Variants in RAB40A observed in about 807,000 individuals in gnomAD.
The protein encoded by RAB40A is ras-related protein Rab-40A.
For synonymous variants in RAB40A, 65 were observed against 99.9 expected, an observed-to-expected ratio of 0.65 and a Z score of 2.08; for missense variants, 145 against 230.2, an observed-to-expected ratio of 0.63 and a Z score of 2.40.
chrX:103,508,334 G>A (rs2073268020), intron 2 of RAB40A, among the ~76,000 whole-genome samples: 1 of 111,814 alleles, frequency 8.9e-6, no homozygotes, highest in African/African-American at 3.3e-5. Flanking sequence ...GGTGAAGGAT[G>A]GGACCTCATT....
intron 2 of RAB40A, chrX:103,502,949 C>A: frequency 3.9e-6 from 3 of 764,129 alleles, no homozygotes; most frequent in Non-Finnish European, 3.1e-6. Flanking sequence ...AGCCTCTGGG[C>A]TAAGAAGGCA....
At position 103,504,232 on chromosome X, in the gene RAB40A, C is replaced by A. The variant is rs556853686; in HGVS notation, c.-70-3406G>T. Reference sequence around the variant, plus strand: ...TTGAAAAACTATTGGGTACTATGCTCACTACCTGGGTGATGGGATCATTCA... The same window carrying A: ...TTGAAAAACTATTGGGTACTATGCTAACTACCTGGGTGATGGGATCATTCA... On this transcript the variant is annotated intron_variant, in intron 2 of 2. Transcript: ENST00000304236. 6.3e-5 allele frequency among the ~76,000 whole-genome samples: 7 copies of A among 111,267 alleles called. No homozygotes were observed. The South Asian group carries it at 1.5e-3, about 25-fold the overall frequency.
chrX:103,513,994 T>A, intron 2 of RAB40A, among the ~76,000 whole-genome samples: 1 of 111,617 alleles, frequency 9.0e-6, no homozygotes. Context: ...ACATTTTTTT[T>A]AAATGACTGA....
intron 2 of RAB40A, among the ~76,000 whole-genome samples, chrX:103,511,346 C>T (rs773811964): frequency 1.0e-4 from 11 of 107,581 alleles, no homozygotes; most frequent in Non-Finnish European, 1.9e-4. Flanking sequence ...AAAAAAAATA[C>T]AAAAAAATTA....
intron 2 of RAB40A, among the ~76,000 whole-genome samples, chrX:103,515,132 T>C (rs2073310148): frequency 8.9e-6 from 1 of 112,405 alleles, no homozygotes; most frequent in South Asian, 3.7e-4. Flanking sequence ...AAGTGTCTTC[T>C]AGACAAGGAC....
At chrX:103,509,345 T>C (rs1343678471) in intron 2 of RAB40A, among the ~76,000 whole-genome samples, 3 of 100,398 alleles carry the variant, frequency 3.0e-5, no homozygotes, top group Non-Finnish European at 6.1e-5. Context: ...CTGTCTCTTC[T>C]TTCCCCTCCC....
chrX:103,496,389 T>C (rs1222921969), downstream of RAB40A, among the ~76,000 whole-genome samples: 2 of 112,246 alleles, frequency 1.8e-5, no homozygotes, highest in Non-Finnish European at 3.8e-5. Context: ...GAATTATGAT[T>C]TGTGTGGTGC....
intron 2 of RAB40A, among the ~76,000 whole-genome samples, chrX:103,515,118 G>A (rs1473364937): frequency 8.9e-6 from 1 of 112,217 alleles, no homozygotes; most frequent in Non-Finnish European, 1.9e-5. Context: ...GTCCAGCTCA[G>A]GGAAAGTGTC....
chrX:103,496,709 G>C (rs1014709643), downstream of RAB40A, among the ~76,000 whole-genome samples: 9 of 112,484 alleles, frequency 8.0e-5, no homozygotes, highest in African/African-American at 2.9e-4. Context: ...TATGGGATAT[G>C]TTGGGGAAAT....
chrX:103,513,080 G>A (rs904932672), intron 2 of RAB40A, among the ~76,000 whole-genome samples: 3 of 111,750 alleles, frequency 2.7e-5, no homozygotes, highest in African/African-American at 9.8e-5. Context: ...GCAGGTTTAG[G>A]GAAATTACAG....
Position 103,500,735 on chromosome X carries a change from C to T in RAB40A, c.22G>A (p.Asp8Asn). MSAPGSP[D>N]QAYDFLLKFL... is the part of the protein sequence containing the mutation. ...TTGAGCAGGAAGTCATAGGCCTGGT[C>T]GGGGCTGCCCGGGGCGCTCATGGTG... The change falls in exon 3 of 3, where the codon GAC becomes AAC. Residue 8 changes from aspartate to asparagine, a missense_variant. Transcript: ENST00000304236. 2 of 1,209,092 alleles carry T rather than the reference C, an allele frequency of 1.7e-6. No individual in the cohort carries two copies. The highest frequency in any genetic ancestry group is 3.0e-5 in the East Asian group (1 of 33,815).
At chrX:103,503,512 G>A (rs908262526) in intron 2 of RAB40A, 5 of 747,373 alleles carry the variant, frequency 6.7e-6, no homozygotes, top group Non-Finnish European at 4.7e-6. Flanking sequence ...TTTAATATAC[G>A]TATATTTTTC....
intron 2 of RAB40A, among the ~76,000 whole-genome samples, chrX:103,504,725 T>C (rs1000604147): frequency 3.6e-5 from 4 of 111,223 alleles, no homozygotes; most frequent in Non-Finnish European, 5.7e-5. Context: ...TTTCACCATG[T>C]TGGCCAGGCT....
At chrX:103,493,511 G>A in the RAB40A span, among the ~76,000 whole-genome samples, 134 of 111,217 alleles carry the variant, frequency 1.2e-3, 1 homozygote, top group African/African-American at 4.1e-3. Context: ...GTGCTACCAA[G>A]TACTAGGTCT....
At chrX:103,503,434 TA>T (rs2073239134) in intron 2 of RAB40A, 1 of 751,051 alleles carries the variant, frequency 1.3e-6, no homozygotes, top group South Asian at 6.9e-5. Flanking sequence ...GGACAACGTA[TA>T]CTGAGGAGGG....
chrX:103,509,962 C>T (rs961418344), intron 2 of RAB40A, among the ~76,000 whole-genome samples: 3 of 110,192 alleles, frequency 2.7e-5, no homozygotes, highest in Non-Finnish European at 5.7e-5. Flanking sequence ...TGTGCCACCA[C>T]GCCTGGCTAA....
At chrX:103,508,648 G>A (rs769057231) in intron 2 of RAB40A, among the ~76,000 whole-genome samples, 1 of 112,098 alleles carries the variant, frequency 8.9e-6, no homozygotes, top group Non-Finnish European at 1.9e-5. Flanking sequence ...TATGCCTTCA[G>A]TTCAAAGTTT....
chrX:103,519,126 G>C (rs959570926), intron 1 of RAB40A, among the ~76,000 whole-genome samples: 1 of 111,611 alleles, frequency 9.0e-6, no homozygotes, highest in African/African-American at 3.3e-5. Context: ...TACCACATAT[G>C]AAGTACTTCT....
intron 2 of RAB40A, chrX:103,503,562 T>G (rs1381892490): frequency 1.5e-6 from 1 of 684,574 alleles, no homozygotes; most frequent in Non-Finnish European, 1.7e-6. Context: ...CTTTGCAAAA[T>G]GTCCTCCTTT....
Sources: allele counts gnomAD v4.1 joint callset (sites outside exome capture counted in the v4.1 genomes callset), GRCh38; gene constraint gnomAD v4.1.1; transcripts MANE v1.5; gene names NCBI Gene and HGNC (gene_info 2026-07-23, HGNC 2026-07-21).